Variants in ELMO1 observed in about 807,000 individuals in gnomAD.
ELMO1 encodes the protein engulfment and cell motility 1.
Under a neutral mutation model 98.9 loss-of-function variants are expected in ELMO1, and 26 were observed. The ratio of observed to expected loss-of-function variants is 0.26; its 90% CI spans 0.19 to 0.36. ELMO1 has a LOEUF of 0.36. Among genes scored for constraint, ELMO1 ranks in the 10% least tolerant of loss-of-function variants. ELMO1 has a pLI of 1.00. For synonymous variants in ELMO1, 346 were observed against 346.0 expected (o/e 1.00, Z 0.00); for missense variants, 627 against 935.2 (o/e 0.67, Z 4.30).
At chr7:37,398,735 GAGA>G (rs1024920997) in intron 1 of ELMO1, among the ~76,000 whole-genome samples, 12 of 152,266 alleles carry the variant, frequency 7.9e-5, no homozygotes, top group African/African-American at 2.6e-4. Flanking sequence ...GGAAAATGGA[GAGA>G]AGGATAACTT....
At chr7:37,309,419 C>T (rs1219892541) in intron 4 of ELMO1, among the ~76,000 whole-genome samples, 1 of 152,156 alleles carries the variant, frequency 6.6e-6, no homozygotes, top group Non-Finnish European at 1.5e-5. Flanking sequence ...GGGACACAGC[C>T]AAACCATATC....
Position 37,057,052 on chromosome 7 carries a change from T to A in ELMO1, c.1300+39567A>T, listed in dbSNP as rs527380839. 2.8e-4 allele frequency among the ~76,000 whole-genome samples: 43 copies of A among 152,266 alleles called. 1 individual carries two copies. In the South Asian group the frequency reaches 8.3e-3, roughly 29 times the overall value. On this transcript the variant is annotated intron_variant, in intron 15 of 21. Transcript: ENST00000310758. ...TATTTTTAGTAGGTTAGGTATAATA[T>A]AGAAAAGATGAGGAAGAGGGGGCTT...
At chr7:37,263,980 C>T (rs998863952) in intron 5 of ELMO1, among the ~76,000 whole-genome samples, 7 of 152,188 alleles carry the variant, frequency 4.6e-5, no homozygotes, top group East Asian at 3.9e-4. Flanking sequence ...GAGCAACCAT[C>T]GTGTTTACCA....
chr7:36,961,710 C>T (rs1476687921), intron 16 of ELMO1, among the ~76,000 whole-genome samples: 1 of 152,062 alleles, frequency 6.6e-6, no homozygotes, highest in Non-Finnish European at 1.5e-5. Context: ...AGCTTTTAAG[C>T]ATTTTTTCAT....
intron 2 of ELMO1, among the ~76,000 whole-genome samples, chr7:37,318,993 T>C (rs1396383516): frequency 6.6e-6 from 1 of 152,182 alleles, no homozygotes; most frequent in Non-Finnish European, 1.5e-5. Flanking sequence ...TCATAGTTGC[T>C]CTTTTACCTG....
chr7:36,922,410 AC>A (rs746300833), intron 16 of ELMO1, among the ~76,000 whole-genome samples: 31 of 150,490 alleles, frequency 2.1e-4, no homozygotes, highest in Non-Finnish European at 3.8e-4. Flanking sequence ...CCTCCACCAG[AC>A]ACTTTAAAAG....
rs1400759960 is a variant in ELMO1 at position 37,296,092 on chromosome 7, T to C, written c.192+18758A>G. On this transcript the variant is annotated intron_variant, in intron 4 of 21. Coordinates refer to ENST00000310758, the MANE Select transcript of ELMO1 (RefSeq NM_014800.11). Reference sequence around the variant, plus strand: ...GATCAGGAGTCTAGCACCTTTTAGCTGTCTCCACAGTTTCTATGGATCAGG... The same window carrying C: ...GATCAGGAGTCTAGCACCTTTTAGCCGTCTCCACAGTTTCTATGGATCAGG... Among the ~76,000 whole-genome samples, 4 of 152,240 alleles carry C rather than the reference T, an allele frequency of 2.6e-5. No homozygotes were observed. The East Asian group carries it at 7.7e-4, about 29-fold the overall frequency.
chr7:37,335,902 G>A (rs923222762), intron 2 of ELMO1, among the ~76,000 whole-genome samples: 1 of 152,122 alleles, frequency 6.6e-6, no homozygotes, highest in Non-Finnish European at 1.5e-5. Flanking sequence ...GCACAAATAG[G>A]ATGGAGTTCC....
At chr7:36,889,684 C>G (rs912710909) in intron 17 of ELMO1, among the ~76,000 whole-genome samples, 1 of 152,212 alleles carries the variant, frequency 6.6e-6, no homozygotes, top group Non-Finnish European at 1.5e-5. Flanking sequence ...TCTGAGTAAT[C>G]TTAACTGATG....
At chr7:37,208,231 C>T (rs1337095928) in intron 13 of ELMO1, among the ~76,000 whole-genome samples, 1 of 152,184 alleles carries the variant, frequency 6.6e-6, no homozygotes, top group Non-Finnish European at 1.5e-5. Context: ...TGGGGCCCTC[C>T]CATAATCTCA....
intron 1 of ELMO1, among the ~76,000 whole-genome samples, chr7:37,436,491 T>G (rs1281957493): frequency 1.3e-5 from 2 of 152,198 alleles, no homozygotes; most frequent in Non-Finnish European, 1.5e-5. Flanking sequence ...AAGCACTAAT[T>G]TGGAGAAGCA....
chr7:37,124,224 C>G (rs1786320422), intron 14 of ELMO1, among the ~76,000 whole-genome samples: 1 of 152,206 alleles, frequency 6.6e-6, no homozygotes, highest in Non-Finnish European at 1.5e-5. Flanking sequence ...AAAAGTTGCA[C>G]AAGACAGGGA....
chr7:37,034,789 G>C (rs1795087493), intron 15 of ELMO1, among the ~76,000 whole-genome samples: 1 of 152,140 alleles, frequency 6.6e-6, no homozygotes, highest in Non-Finnish European at 1.5e-5. Context: ...AATATGGAAA[G>C]AACTTTAAAA....
In ELMO1 at chr7:37,101,617, A is replaced by T. The variant is rs186631986; in HGVS notation, c.1192-4890T>A. ...GGGGCTTAAACTATCACTAAGAGATAAATGCAGGGGCTCTTAGGTACCTTC... is the reference window on the plus strand; with the variant it reads ...GGGGCTTAAACTATCACTAAGAGATTAATGCAGGGGCTCTTAGGTACCTTC... On this transcript the variant is annotated intron_variant, in intron 14 of 21. Transcript: ENST00000310758. Among the ~76,000 whole-genome samples, 822 of 152,290 alleles carry T rather than the reference A, an allele frequency of 5.4e-3. 3 individuals are homozygous for T. The highest frequency in any genetic ancestry group is 0.011 in the South Asian group (55 of 4,820).
chr7:37,326,196 A>G (rs1799793484), intron 2 of ELMO1, among the ~76,000 whole-genome samples: 1 of 152,218 alleles, frequency 6.6e-6, no homozygotes, highest in South Asian at 2.1e-4. Context: ...ATTATCAAAA[A>G]TGACAAAGGG....
At chr7:36,939,953 C>A (rs1786885543) in intron 16 of ELMO1, among the ~76,000 whole-genome samples, 1 of 152,250 alleles carries the variant, frequency 6.6e-6, no homozygotes, top group Non-Finnish European at 1.5e-5. Context: ...CTTATCCTTA[C>A]ATGTGACGTG....
At chr7:36,894,711 A>G in intron 17 of ELMO1, 143 bp downstream of exon 17, 1 of 1,023,156 alleles carries the variant, frequency 9.8e-7, no homozygotes. Flanking sequence ...AGACTCCCCT[A>G]ACTAAATGGA....
At chr7:37,345,820 T>G (rs1800977970) in intron 1 of ELMO1, among the ~76,000 whole-genome samples, 1 of 151,510 alleles carries the variant, frequency 6.6e-6, no homozygotes, top group Non-Finnish European at 1.5e-5. Context: ...AAACCCCATC[T>G]CTACTAAAAA....
chr7:37,237,372 C>T (rs1397901803), intron 7 of ELMO1, among the ~76,000 whole-genome samples: 1 of 152,166 alleles, frequency 6.6e-6, no homozygotes, highest in Non-Finnish European at 1.5e-5. Flanking sequence ...TCATTGCAAC[C>T]TCCACCTCCC....
Sources: allele counts gnomAD v4.1 joint callset (sites outside exome capture counted in the v4.1 genomes callset), GRCh38; gene constraint gnomAD v4.1.1; transcripts MANE v1.5; gene names NCBI Gene and HGNC (gene_info 2026-07-23, HGNC 2026-07-21).